The following SLC35F3 variants were observed in gnomAD, a reference collection of about 807,000 sequenced individuals.
SLC35F3 encodes solute carrier family 35 member F3.
In SLC35F3, 25 loss-of-function variants were observed where a neutral mutation model predicts 49.9. The observed-to-expected ratio is 0.50, with a 90% confidence interval of 0.37 to 0.70. The LOEUF (loss-of-function observed/expected upper bound fraction) is 0.70, where lower values mean the gene tolerates loss of function less well. Ranked by LOEUF, SLC35F3 falls within the 30% of genes least tolerant of loss-of-function variation. SLC35F3 has a pLI of 0.00. For missense variants in SLC35F3, 525 were observed against 639.8 expected, an observed-to-expected ratio of 0.82 and a Z score of 1.94; for synonymous variants, 275 against 265.4, an observed-to-expected ratio of 1.04 and a Z score of -0.35.
At chr1:234,015,193 A>G (rs1374279773) in intron 2 of SLC35F3, among the ~76,000 whole-genome samples, 2 of 152,032 alleles carry the variant, frequency 1.3e-5, no homozygotes, top group Non-Finnish European at 2.9e-5. Flanking sequence ...TAAAAATACA[A>G]AAGTTAGCCA....
At chr1:233,983,825 G>A (rs1663223423) in intron 2 of SLC35F3, among the ~76,000 whole-genome samples, 1 of 152,172 alleles carries the variant, frequency 6.6e-6, no homozygotes, top group Admixed American at 6.5e-5. Flanking sequence ...AAATAAAAGA[G>A]CCCCATGAGG....
intron 3 of SLC35F3, among the ~76,000 whole-genome samples, chr1:234,305,663 G>A (rs933301729): frequency 3.3e-5 from 5 of 152,068 alleles, no homozygotes; most frequent in South Asian, 2.1e-4. Flanking sequence ...GATTACAGGC[G>A]TGAGCCACCA....
chr1:233,975,216 A>G (rs1337392218), intron 2 of SLC35F3, among the ~76,000 whole-genome samples: 1 of 152,240 alleles, frequency 6.6e-6, no homozygotes, highest in African/African-American at 2.4e-5. Flanking sequence ...GATAAATACA[A>G]CCTTACAAGG....
intron 2 of SLC35F3, among the ~76,000 whole-genome samples, chr1:234,220,073 C>G (rs987235688): frequency 3.9e-5 from 6 of 152,110 alleles, no homozygotes; most frequent in African/African-American, 1.4e-4. Context: ...ACTCGGAAGA[C>G]AGGATTGAAA....
At chr1:234,202,928 C>T (rs1666919525) in intron 2 of SLC35F3, among the ~76,000 whole-genome samples, 1 of 152,210 alleles carries the variant, frequency 6.6e-6, no homozygotes, top group Non-Finnish European at 1.5e-5. Context: ...CTTGCTGAAA[C>T]ACCAATAGAG....
At chr1:234,216,228 TC>T (rs1021373842) in intron 2 of SLC35F3, among the ~76,000 whole-genome samples, 109 of 152,208 alleles carry the variant, frequency 7.2e-4, no homozygotes, top group African/African-American at 2.3e-3. Context: ...ACTCATAGGG[TC>T]CTCATGGGAA....
chr1:234,309,015 T>TAAA (rs11359233), intron 3 of SLC35F3, 86 bp from the exon 4 acceptor site: 71,074 of 943,650 alleles, frequency 0.075, 1,280 homozygotes, highest in Non-Finnish European at 0.08. Context: ...TATATTTGCT[T>TAAA]AAAAAAAAAA....
At chr1:234,219,566 A>T (rs936528248) in intron 2 of SLC35F3, among the ~76,000 whole-genome samples, 4 of 152,218 alleles carry the variant, frequency 2.6e-5, no homozygotes, top group African/African-American at 9.7e-5. Flanking sequence ...TGCATGCTGA[A>T]ATGTAATGTT....
At chr1:234,298,412 T>C (rs538272) in intron 3 of SLC35F3, among the ~76,000 whole-genome samples, 113,556 of 152,088 alleles carry the variant, frequency 0.75, 42,860 homozygotes, top group African/African-American at 0.86. Context: ...AATAACATGG[T>C]CTGATTTATG....
intron 2 of SLC35F3, among the ~76,000 whole-genome samples, chr1:234,179,237 T>C (rs938437199): frequency 6.6e-6 from 1 of 152,192 alleles, no homozygotes; most frequent in Non-Finnish European, 1.5e-5. Flanking sequence ...AATGTTCCAA[T>C]TTGGCTGAAG....
chr1:233,976,087 CGAA>C (rs998314074), intron 2 of SLC35F3, among the ~76,000 whole-genome samples: 3 of 151,768 alleles, frequency 2.0e-5, no homozygotes, highest in African/African-American at 7.3e-5. Context: ...ATGAAGAAGG[CGAA>C]GGAGGAGGAG....
At chr1:234,074,543 A>T (rs1007369088) in intron 2 of SLC35F3, among the ~76,000 whole-genome samples, 2 of 152,228 alleles carry the variant, frequency 1.3e-5, no homozygotes, top group African/African-American at 4.8e-5. Flanking sequence ...GGGGGAGGGT[A>T]GGATGACTTC....
At chr1:234,240,922 C>T (rs1667545576) in intron 3 of SLC35F3, among the ~76,000 whole-genome samples, 1 of 152,150 alleles carries the variant, frequency 6.6e-6, no homozygotes, top group African/African-American at 2.4e-5. Flanking sequence ...TGATGTGGAA[C>T]TTATCATTGT....
intron 3 of SLC35F3, among the ~76,000 whole-genome samples, chr1:234,305,655 T>C (rs1657149945): frequency 6.6e-6 from 1 of 152,210 alleles, no homozygotes; most frequent in African/African-American, 2.4e-5. Flanking sequence ...AGTGCTGGGA[T>C]TACAGGCGTG....
At chr1:233,954,896 T>C (rs1038708900) in intron 2 of SLC35F3, among the ~76,000 whole-genome samples, 1 of 152,144 alleles carries the variant, frequency 6.6e-6, no homozygotes, top group African/African-American at 2.4e-5. Context: ...CAGCCTGGAG[T>C]GCAATGGTGC....
intron 2 of SLC35F3, among the ~76,000 whole-genome samples, chr1:233,962,540 A>G (rs1211133755): frequency 6.6e-6 from 1 of 152,240 alleles, no homozygotes; most frequent in Non-Finnish European, 1.5e-5. Flanking sequence ...GCTTATATGC[A>G]GAGTTCATAA....
chr1:234,042,728 A>G (rs751011827), intron 2 of SLC35F3, among the ~76,000 whole-genome samples: 3 of 152,148 alleles, frequency 2.0e-5, no homozygotes, highest in Non-Finnish European at 2.9e-5. Context: ...TTCCATCTGT[A>G]TGTTCTGCAT....
chr1:234,288,749 A>G (rs1668462120), intron 3 of SLC35F3, among the ~76,000 whole-genome samples: 1 of 152,218 alleles, frequency 6.6e-6, no homozygotes, highest in Non-Finnish European at 1.5e-5. Flanking sequence ...GATCCCAAAG[A>G]TTCTAGAAGA....
Position 234,323,548 on chromosome 1 carries a change from G to GGGCAAGTGTTTTGAATCTT in SLC35F3, c.*306_*324dup. 2.5e-6 allele frequency: 1 copy of GGGCAAGTGTTTTGAATCTT among 407,436 alleles called. No homozygotes were observed. Among genetic ancestry groups the GGGCAAGTGTTTTGAATCTT allele is most frequent in the Non-Finnish European group, 4.5e-6 (1 of 224,592 alleles). The allele number at this position is 407,436 out of a possible 1,614,324, so 25.2% of individuals were successfully genotyped here. ...GACGTTCTTGACAAGCCAGCCATCA[G>GGGCAAGTGTTTTGAATCTT]GGCAAGTGTTTTGAATCTTAGCAAG... On this transcript the variant is annotated 3_prime_UTR_variant, in exon 8 of 8. Coordinates refer to ENST00000366618, the MANE Select transcript of SLC35F3 (RefSeq NM_173508.4). This position sits in a 1 kb window ranked among gnomAD's most constrained non-coding sequence, Gnocchi z 4.5.
Sources: allele counts gnomAD v4.1 joint callset (sites outside exome capture counted in the v4.1 genomes callset), GRCh38; gene constraint gnomAD v4.1.1; non-coding constraint Gnocchi (gnomAD v3.1); transcripts MANE v1.5; gene names NCBI Gene and HGNC (gene_info 2026-07-23, HGNC 2026-07-21).